OSBPL9: variants seen among roughly 807,000 people sequenced by gnomAD.
OSBPL9 encodes the protein oxysterol binding protein like 9.
Under a neutral mutation model 106.6 loss-of-function variants are expected in OSBPL9, and 40 were observed. The ratio of observed to expected loss-of-function variants is 0.38; its 90% CI spans 0.29 to 0.49. The LOEUF (loss-of-function observed/expected upper bound fraction) is 0.49. Ranked by LOEUF, OSBPL9 falls within the 20% of genes least tolerant of loss-of-function variation. The probability of loss-of-function intolerance (pLI) is 0.97; values close to 1 mark genes in which losing one functional copy is unlikely to be tolerated. For missense variants in OSBPL9, 609 were observed against 887.2 expected, an observed-to-expected ratio of 0.69 and a Z score of 3.98; for synonymous variants, 269 against 295.4, an observed-to-expected ratio of 0.91 and a Z score of 0.92.
the OSBPL9 span, among the ~76,000 whole-genome samples, chr1:51,557,909 C>T: frequency 3.9e-5 from 6 of 152,194 alleles, no homozygotes; most frequent in Non-Finnish European, 8.8e-5. Context: ...TCTGACCTAA[C>T]CAACTCTATC....
intron 1 of OSBPL9, among the ~76,000 whole-genome samples, chr1:51,636,618 A>G (rs1188544146): frequency 1.3e-5 from 2 of 151,904 alleles, no homozygotes; most frequent in Non-Finnish European, 2.9e-5. Flanking sequence ...GATTGCAGGT[A>G]TGACCCACCA....
chr1:51,757,445 T>C (rs1280867882), intron 9 of OSBPL9, among the ~76,000 whole-genome samples: 1 of 151,926 alleles, frequency 6.6e-6, no homozygotes, highest in Non-Finnish European at 1.5e-5. Context: ...CATTTTATGG[T>C]CTCCAAAGAC....
chr1:51,722,605 A>T (rs1160923240), intron 4 of OSBPL9, among the ~76,000 whole-genome samples: 1 of 152,228 alleles, frequency 6.6e-6, no homozygotes, highest in Non-Finnish European at 1.5e-5. Flanking sequence ...ACAGTGGTGA[A>T]CAAGGCGTTG....
chr1:51,597,304 G>C (rs1645304455), intron 1 of OSBPL9, among the ~76,000 whole-genome samples: 1 of 151,986 alleles, frequency 6.6e-6, no homozygotes, highest in Admixed American at 6.6e-5. Flanking sequence ...CACTTTAGCT[G>C]CTGTGTGCTA....
rs372655521 is a variant in OSBPL9 at position 51,619,867 on chromosome 1, A to G, written c.111+2646A>G. Among the ~76,000 whole-genome samples, 71 of 152,328 alleles carry G rather than the reference A, an allele frequency of 4.7e-4. 3 individuals carry two copies. The South Asian group carries it at 0.012, about 25-fold the overall frequency. ...TGGAGCTACATCTTCCAGGAAGAAT[A>G]TCTGAATTAGTTGTGTAGCCTTCCA... On this transcript the variant is annotated intron_variant, in intron 1 of 23. Transcript: ENST00000428468.
At chr1:51,711,792 C>T (rs1053068669) in intron 3 of OSBPL9, among the ~76,000 whole-genome samples, 3 of 148,766 alleles carry the variant, frequency 2.0e-5, no homozygotes, top group East Asian at 2.0e-4. Context: ...GGGGCAGAGG[C>T]GCTCCCCACA....
chr1:51,701,063 C>T (rs1460706912), intron 3 of OSBPL9, among the ~76,000 whole-genome samples: 2 of 152,076 alleles, frequency 1.3e-5, no homozygotes, highest in African/African-American at 4.8e-5. Flanking sequence ...CCTCAGCCTC[C>T]CAAGTAGCTG....
chr1:51,633,237 G>A (rs1645216634), intron 1 of OSBPL9, among the ~76,000 whole-genome samples: 1 of 151,636 alleles, frequency 6.6e-6, no homozygotes, highest in African/African-American at 2.4e-5. Context: ...GGGATTACAG[G>A]TGTCAGCCAT....
At chr1:51,580,403 T>TTAAGACAATA (rs1645213852) in intron 1 of OSBPL9, among the ~76,000 whole-genome samples, 1 of 152,200 alleles carries the variant, frequency 6.6e-6, no homozygotes, top group Non-Finnish European at 1.5e-5. Flanking sequence ...GCCAAATTAA[T>TTAAGACAATA]TAAGACAATA....
At chr1:51,635,002 CAT>C in intron 1 of OSBPL9, among the ~76,000 whole-genome samples, 1 of 152,326 alleles carries the variant, frequency 6.6e-6, no homozygotes. Context: ...CCTCCTACAA[CAT>C]GTGGGAATTA....
chr1:51,526,636 C>T, the OSBPL9 span, among the ~76,000 whole-genome samples: 6 of 151,844 alleles, frequency 4.0e-5, no homozygotes, highest in African/African-American at 1.5e-4. Context: ...ACAATCAACA[C>T]TGGAAGCAAA....
At chr1:51,638,598 G>A (rs116335477) in intron 1 of OSBPL9, among the ~76,000 whole-genome samples, 1,813 of 152,050 alleles carry the variant, frequency 0.012, 37 homozygotes, top group African/African-American at 0.042. Flanking sequence ...GGCGGGGCAC[G>A]GTGGCTCATA....
At chr1:51,602,163 G>A (rs1645327879) in intron 2 of OSBPL9, among the ~76,000 whole-genome samples, 1 of 151,708 alleles carries the variant, frequency 6.6e-6, no homozygotes, top group Non-Finnish European at 1.5e-5. Context: ...TGGGACTACA[G>A]GCACCCACCA....
intron 4 of OSBPL9, among the ~76,000 whole-genome samples, chr1:51,736,177 T>A (rs1665653804): frequency 6.6e-6 from 1 of 152,194 alleles, no homozygotes; most frequent in Non-Finnish European, 1.5e-5. Flanking sequence ...GAAGTCCTGT[T>A]TTCATTGGCT....
At chr1:51,640,386 T>G (rs1645711990) in intron 1 of OSBPL9, among the ~76,000 whole-genome samples, 1 of 152,234 alleles carries the variant, frequency 6.6e-6, no homozygotes, top group African/African-American at 2.4e-5. Flanking sequence ...GAACTAATCT[T>G]CTAAAAGCTT....
chr1:51,717,723 G>A (rs541132451), intron 4 of OSBPL9, among the ~76,000 whole-genome samples: 2 of 151,206 alleles, frequency 1.3e-5, no homozygotes, highest in South Asian at 4.2e-4. Flanking sequence ...GTACTGGTGA[G>A]GATGTGGAGT....
chr1:51,535,227 C>T, the OSBPL9 span, among the ~76,000 whole-genome samples: 2 of 152,134 alleles, frequency 1.3e-5, no homozygotes, highest in South Asian at 2.1e-4. Context: ...TTCCTGGTTG[C>T]AGTTTAAGGA....
At chr1:51,624,981 G>A (rs1644685691) in intron 1 of OSBPL9, among the ~76,000 whole-genome samples, 1 of 152,228 alleles carries the variant, frequency 6.6e-6, no homozygotes, top group African/African-American at 2.4e-5. Flanking sequence ...TTATAGGTGA[G>A]TGAGGCAGAA....
At chr1:51,725,107 G>C (rs1447198045) in intron 4 of OSBPL9, among the ~76,000 whole-genome samples, 1 of 148,850 alleles carries the variant, frequency 6.7e-6, no homozygotes, top group Non-Finnish European at 1.5e-5. Flanking sequence ...TTTGTTCCAG[G>C]CTTTTTTTTT....
Sources: allele counts gnomAD v4.1 joint callset (sites outside exome capture counted in the v4.1 genomes callset), GRCh38; gene constraint gnomAD v4.1.1; transcripts MANE v1.5; gene names NCBI Gene and HGNC (gene_info 2026-07-23, HGNC 2026-07-21).